The following ASAP2 variants were observed in gnomAD, a reference collection of about 807,000 sequenced individuals.
ASAP2 encodes the protein ArfGAP with SH3 domain, ankyrin repeat and PH domain 2.
A neutral mutation model predicts 131.4 loss-of-function variants in ASAP2; 45 were observed. The observed-to-expected ratio is 0.34, with a 90% confidence interval of 0.27 to 0.44. The LOEUF (loss-of-function observed/expected upper bound fraction) is 0.44, where lower values mean the gene tolerates loss of function less well. Ranked by LOEUF, ASAP2 falls within the 20% of genes least tolerant of loss-of-function variation. The pLI is 1.00. For missense variants in ASAP2, 1,011 were observed against 1,297.0 expected (o/e 0.78, Z 3.39); for synonymous variants, 510 against 503.0 (o/e 1.01, Z -0.19).
At chr2:9,382,590 A>G (rs1674947777) in intron 20 of ASAP2, among the ~76,000 whole-genome samples, 1 of 152,222 alleles carries the variant, frequency 6.6e-6, no homozygotes. Flanking sequence ...GGCTGGGTTT[A>G]CAGTGAATGA....
intron 2 of ASAP2, among the ~76,000 whole-genome samples, chr2:9,286,553 T>C (rs562536915): frequency 1.5e-4 from 23 of 152,198 alleles, no homozygotes; most frequent in Admixed American, 2.6e-4. Flanking sequence ...AGTACTCTGC[T>C]CCATTGTTGT....
At chr2:9,227,895 C>A (rs1436214131) in intron 1 of ASAP2, among the ~76,000 whole-genome samples, 1 of 152,182 alleles carries the variant, frequency 6.6e-6, no homozygotes, top group Non-Finnish European at 1.5e-5. Context: ...CTAGTGAGGA[C>A]AGATAACTTA....
At chr2:9,330,249 A>ATAT (rs1670744034) in intron 7 of ASAP2, among the ~76,000 whole-genome samples, 1 of 152,228 alleles carries the variant, frequency 6.6e-6, no homozygotes, top group Non-Finnish European at 1.5e-5. Context: ...AAGAAGAGTG[A>ATAT]AATCATGTCT....
chr2:9,322,307 C>T (rs1398952068), intron 5 of ASAP2, among the ~76,000 whole-genome samples: 1 of 152,182 alleles, frequency 6.6e-6, no homozygotes, highest in Non-Finnish European at 1.5e-5. Flanking sequence ...CCTCTGGAAC[C>T]CTGAGTAGCC....
chr2:9,249,305 G>A (rs755796221), intron 1 of ASAP2, among the ~76,000 whole-genome samples: 16 of 152,330 alleles, frequency 1.1e-4, no homozygotes, highest in East Asian at 1.9e-4. Flanking sequence ...CAGCCTGCCC[G>A]TGGCCTGTCT....
At chr2:9,296,467 T>C (rs1205473602) in intron 2 of ASAP2, among the ~76,000 whole-genome samples, 1 of 152,204 alleles carries the variant, frequency 6.6e-6, no homozygotes, top group Non-Finnish European at 1.5e-5. Context: ...GTCCAGATTT[T>C]CACTCTTTCA....
intron 1 of ASAP2, among the ~76,000 whole-genome samples, chr2:9,229,446 T>C (rs1050986106): frequency 1.3e-5 from 2 of 152,166 alleles, no homozygotes; most frequent in African/African-American, 4.8e-5. Flanking sequence ...AGCCTCTCAC[T>C]GAGCTGGGAA....
chr2:9,213,097 G>C (rs549150327), intron 1 of ASAP2, among the ~76,000 whole-genome samples: 1 of 152,220 alleles, frequency 6.6e-6, no homozygotes, highest in African/African-American at 2.4e-5. Flanking sequence ...CAGTTGATAC[G>C]TGCTGTAAAG....
In ASAP2 at chr2:9,300,331, C is replaced by T. The variant is rs117018353; in HGVS notation, c.345+2886C>T. ...AGCACTCCACACCATGGAATCCGGA[C>T]GAAACTAACTTGTCTCAGTTAACAA... On this transcript the variant is annotated intron_variant, in intron 3 of 27. Coordinates refer to ENST00000281419, the MANE Select transcript of ASAP2 (RefSeq NM_003887.3). Among the ~76,000 whole-genome samples the T allele has an allele frequency of 2.7e-3, 408 of 152,334 alleles. 12 individuals are homozygous for T. The East Asian group carries it at 0.065, about 24-fold the overall frequency.
intron 11 of ASAP2, 42 bp downstream of exon 11, chr2:9,344,842 T>TGAGGTTGGTGG (rs753907080): frequency 2.0e-5 from 32 of 1,570,054 alleles, no homozygotes; most frequent in Non-Finnish European, 2.6e-5. Context: ...CTGTATTAGG[T>TGAGGTTGGTGG]GAGGTTGGTG....
At position 9,207,278 on chromosome 2, in the gene ASAP2, A is replaced by C. The variant is rs370836601; in HGVS notation, c.126+48A>C. The C allele has an allele frequency of 1.8e-3, 2,692 of 1,463,728 alleles. 43 individuals are homozygous for C. The African/African-American group carries it at 0.036, about 19-fold the overall frequency. The allele number at this position is 1,463,728 out of a possible 1,614,324, so 90.7% of individuals were successfully genotyped here. A position where few individuals can be genotyped will look rare whatever the true frequency, so the allele number is the denominator to read the frequency against. Reference sequence around the variant, plus strand: ...TCCGGCCGCAGGTATCCCGCGCCCCAGCCCCGCCCGCCGCTCCCGCATCCG... The same window carrying C: ...TCCGGCCGCAGGTATCCCGCGCCCCCGCCCCGCCCGCCGCTCCCGCATCCG... On this transcript the variant is annotated intron_variant, in intron 1 of 27. Transcript: ENST00000281419. This position sits in a 1 kb window ranked among gnomAD's most constrained non-coding sequence, Gnocchi z 4.1.
chr2:9,279,050 C>T (rs1482893033), intron 1 of ASAP2, among the ~76,000 whole-genome samples: 2 of 150,966 alleles, frequency 1.3e-5, no homozygotes, highest in African/African-American at 4.9e-5. Flanking sequence ...CAGGAGACAG[C>T]TTGCATGCTG....
At chr2:9,387,875 G>A (rs1355371670) in intron 21 of ASAP2, among the ~76,000 whole-genome samples, 1 of 152,166 alleles carries the variant, frequency 6.6e-6, no homozygotes, top group Non-Finnish European at 1.5e-5. Flanking sequence ...AGGGGAAGCA[G>A]GCACCTCTTC....
At chr2:9,280,718 C>G (rs987514003) in intron 2 of ASAP2, among the ~76,000 whole-genome samples, 1 of 152,158 alleles carries the variant, frequency 6.6e-6, no homozygotes, top group African/African-American at 2.4e-5. Context: ...ATTGACAGGC[C>G]TTTTCTAAAA....
intron 1 of ASAP2, among the ~76,000 whole-genome samples, chr2:9,242,077 T>G (rs953612784): frequency 6.6e-6 from 1 of 152,194 alleles, no homozygotes; most frequent in African/African-American, 2.4e-5. Context: ...AGGCATAACA[T>G]GTACCTCACA....
intron 1 of ASAP2, among the ~76,000 whole-genome samples, chr2:9,229,781 G>T (rs975727790): frequency 6.6e-6 from 1 of 152,254 alleles, no homozygotes; most frequent in African/African-American, 2.4e-5. Flanking sequence ...GAGCCTAAGA[G>T]GGGGAGACAG....
Position 9,379,008 on chromosome 2 carries a change from A to C in ASAP2, c.1897A>C (p.Asn633His). 3 of 1,578,192 alleles carry C rather than the reference A, an allele frequency of 1.9e-6. No homozygotes were observed. Among genetic ancestry groups the C allele is most frequent in the Non-Finnish European group, 2.6e-6 (3 of 1,161,602 alleles). The part of the protein sequence containing the change: ...TALHYCCLTD[N>H]AECLKLLLRG... ...CCTGCACTACTGCTGCCTGACCGAC[A>C]ATGCCGAGTGCCTCAAGTTGCTCCT... Residue 633 changes from asparagine (N) to histidine (H), a missense_variant, in exon 19 of 28, where the codon AAT becomes CAT. Asn to His is a moderately conservative substitution (Grantham distance 68). Around this residue, in one of 2 missense-constraint regions of ASAP2, gnomAD observed 652 missense variants for 698.9 expected, o/e 0.93. Coordinates refer to ENST00000281419, the MANE Select transcript of ASAP2 (RefSeq NM_003887.3).
intron 16 of ASAP2, among the ~76,000 whole-genome samples, chr2:9,371,203 G>A (rs1673926687): frequency 6.6e-6 from 1 of 152,090 alleles, no homozygotes; most frequent in Non-Finnish European, 1.5e-5. Flanking sequence ...TCAAAATGAG[G>A]GCGGATGACC....
intron 1 of ASAP2, among the ~76,000 whole-genome samples, chr2:9,210,330 A>G (rs1661442965): frequency 6.6e-6 from 1 of 152,244 alleles, no homozygotes; most frequent in African/African-American, 2.4e-5. Context: ...AAGTCTGGTT[A>G]ATAATACCTA....
Sources: allele counts gnomAD v4.1 joint callset (sites outside exome capture counted in the v4.1 genomes callset), GRCh38; gene constraint gnomAD v4.1.1; regional missense constraint gnomAD v4.1.1; non-coding constraint Gnocchi (gnomAD v3.1); transcripts MANE v1.5; gene names NCBI Gene and HGNC (gene_info 2026-07-23, HGNC 2026-07-21).